The following COL11A1 variants were observed in gnomAD, a reference collection of about 807,000 sequenced individuals.
COL11A1 encodes collagen alpha-1(XI) chain.
Under a neutral mutation model 265.2 loss-of-function variants are expected in COL11A1, and 74 were observed. The observed-to-expected ratio is 0.28, with a 90% confidence interval of 0.23 to 0.34. COL11A1 has a LOEUF of 0.34. Among genes scored for constraint, COL11A1 ranks in the 10% least tolerant of loss-of-function variants. The pLI is 1.00. For synonymous variants in COL11A1, 816 were observed against 727.6 expected, an observed-to-expected ratio of 1.12 and a Z score of -1.96; for missense variants, 2,165 against 2,263.6, an observed-to-expected ratio of 0.96 and a Z score of 0.88.
chr1:102,905,900 A>G (rs1207680782), intron 54 of COL11A1, among the ~76,000 whole-genome samples: 2 of 152,214 alleles, frequency 1.3e-5, no homozygotes, highest in Non-Finnish European at 2.9e-5. Context: ...AACTCAAACA[A>G]CAAAGCAAAA....
intron 46 of COL11A1, among the ~76,000 whole-genome samples, chr1:102,932,062 T>G (rs1657523638): frequency 6.6e-6 from 1 of 150,662 alleles, no homozygotes; most frequent in South Asian, 2.1e-4. Flanking sequence ...CCAGTCTGTG[T>G]CTTTTAATTG....
At chr1:102,996,094 C>A in intron 26 of COL11A1, 52 bp from the exon 27 acceptor site, 1 of 1,545,624 alleles carries the variant, frequency 6.5e-7, no homozygotes, top group South Asian at 1.1e-5. Context: ...AAGTGCTACT[C>A]ATTTACATAC....
Position 102,979,287 on chromosome 1 carries a change from T to A in COL11A1, c.2610+95A>T, listed in dbSNP as rs1416760414. On this transcript the variant is annotated intron_variant, in intron 32 of 66. Transcript: ENST00000370096. ...TCCGGGATTCAAGCAATCCTCCACCTGAGCCTCACAAATATCTGGGAATAC... is the reference window on the plus strand; with the variant it reads ...TCCGGGATTCAAGCAATCCTCCACCAGAGCCTCACAAATATCTGGGAATAC... 5 of 1,250,854 alleles carry A rather than the reference T, an allele frequency of 4.0e-6. No individual in the cohort carries two copies. The Admixed American group carries it at 9.1e-5, about 23-fold the overall frequency. 77.5% of individuals were successfully genotyped at this position (1,250,854 alleles called of 1,614,324 possible). A position where few individuals can be genotyped will look rare whatever the true frequency, so the allele number is the denominator to read the frequency against.
chr1:103,041,050 T>C (rs182850466), intron 4 of COL11A1, among the ~76,000 whole-genome samples: 1 of 152,060 alleles, frequency 6.6e-6, no homozygotes, highest in Non-Finnish European at 1.5e-5. Context: ...ACTTTTATTT[T>C]AACACTTAGA....
intron 41 of COL11A1, among the ~76,000 whole-genome samples, chr1:102,957,371 C>T (rs1660481374): frequency 6.6e-6 from 1 of 151,952 alleles, no homozygotes; most frequent in Admixed American, 6.6e-5. Context: ...TCACTGTGAG[C>T]AATAAGGTTA....
rs141304474 is a variant in COL11A1, at chr1:103,031,198, T to A, written c.698A>T (p.Tyr233Phe). The A allele has an allele frequency of 3.7e-6, 6 of 1,610,442 alleles. No individual in the cohort carries two copies. Among genetic ancestry groups the A allele is most frequent in the Non-Finnish European group, 5.1e-6 (6 of 1,179,556 alleles). ...TGGACTATAATGCTCACAGTAGTCA[T>A]ATGCTGCCTTGGGATCACCTGTGAT... ...FLITGDPKAA[Y>F]DYCEHYSPDC... is the part of the protein sequence containing the mutation. Residue 233 changes from tyrosine (Y) to phenylalanine (F), a missense_variant, in exon 5 of 67, where the codon TAT becomes TTT. Coordinates refer to ENST00000370096, the MANE Select transcript of COL11A1 (RefSeq NM_001854.4).
rs535343503 is a variant in COL11A1 at position 103,012,245 on chromosome 1, G to A, written c.1629+168C>T. Among the ~76,000 whole-genome samples the A allele has an allele frequency of 1.4e-3, 212 of 151,860 alleles. 1 individual carries two copies. The highest frequency in any genetic ancestry group is 0.01 in the Middle Eastern group (3 of 292). On this transcript the variant is annotated intron_variant, in intron 14 of 66. Transcript: ENST00000370096. The stretch of plus-strand genomic sequence containing the variant: ...TTTACTGAGACCTTTTGATCAAAAT[G>A]TACAGAAAACTGAATTGAGAAGGAT...
At chr1:103,047,814 G>C (rs191500398) in intron 4 of COL11A1, among the ~76,000 whole-genome samples, 1,951 of 152,188 alleles carry the variant, frequency 0.013, 23 homozygotes, top group Middle Eastern at 0.02. Context: ...TAGCATGAAG[G>C]GTTGTTGAAT....
intron 47 of COL11A1, 115 bp from the exon 48 acceptor site, chr1:102,921,686 G>A: frequency 1.2e-6 from 1 of 851,684 alleles, no homozygotes. Flanking sequence ...ACTATAGTTA[G>A]TGAAGCACAT....
At chr1:103,081,411 C>G (rs183447317) in intron 2 of COL11A1, among the ~76,000 whole-genome samples, 1 of 151,860 alleles carries the variant, frequency 6.6e-6, no homozygotes, top group East Asian at 1.9e-4. Context: ...AAGCAGCTTA[C>G]CTTTTTACTT....
At chr1:102,942,463 C>T (rs1239977085) in intron 42 of COL11A1, among the ~76,000 whole-genome samples, 2 of 152,112 alleles carry the variant, frequency 1.3e-5, no homozygotes, top group African/African-American at 4.8e-5. Context: ...ATAACTCTTC[C>T]TCCATTATGT....
intron 46 of COL11A1, among the ~76,000 whole-genome samples, chr1:102,928,515 G>A: frequency 6.6e-6 from 1 of 152,116 alleles, no homozygotes; most frequent in Non-Finnish European, 1.5e-5. Flanking sequence ...GGACATTTGG[G>A]TTGGTTCCAA....
Position 102,997,180 on chromosome 1 carries a change from AC to A in COL11A1, c.2197-57del, listed in dbSNP as rs1664712948. The A allele has an allele frequency of 2.2e-5, 30 of 1,381,142 alleles. No homozygotes were observed. The South Asian group carries it at 3.3e-4, about 15-fold the overall frequency. The allele number at this position is 1,381,142 out of a possible 1,614,324, so 85.6% of individuals were successfully genotyped here. ...ATGTAATATAAACATAGTTGATAAT[AC>A]TACGAAAGTATTTCTTTTGTTATTA... On this transcript the variant is annotated intron_variant, in intron 25 of 66. Transcript: ENST00000370096.
chr1:102,945,306 C>A (rs1201941940), intron 42 of COL11A1, among the ~76,000 whole-genome samples: 1 of 150,570 alleles, frequency 6.6e-6, no homozygotes, highest in Non-Finnish European at 1.5e-5. Flanking sequence ...CTTTCTCCAT[C>A]TACCATGGGA....
intron 41 of COL11A1, among the ~76,000 whole-genome samples, chr1:102,951,273 T>C (rs1659848026): frequency 6.6e-6 from 1 of 152,226 alleles, no homozygotes. Context: ...TGGCACTACA[T>C]TCTGAGTAGT....
chr1:103,040,970 TAATC>T (rs1668766511), intron 4 of COL11A1, among the ~76,000 whole-genome samples: 1 of 151,818 alleles, frequency 6.6e-6, no homozygotes. Flanking sequence ...GATAAATTCT[TAATC>T]AGTATTTATT....
At chr1:102,976,802 T>C (rs1662538205) in intron 35 of COL11A1, among the ~76,000 whole-genome samples, 1 of 152,178 alleles carries the variant, frequency 6.6e-6, no homozygotes, top group Non-Finnish European at 1.5e-5. Flanking sequence ...ACTTATTCTT[T>C]ATATAAAATT....
chr1:103,051,721 T>C (rs932310970), intron 4 of COL11A1, among the ~76,000 whole-genome samples: 6 of 152,202 alleles, frequency 3.9e-5, no homozygotes, highest in Admixed American at 6.5e-5. Flanking sequence ...AGACTGGAGC[T>C]GTTCCCATTT....
intron 36 of COL11A1, among the ~76,000 whole-genome samples, chr1:102,974,528 A>C (rs545166115): frequency 1.3e-5 from 2 of 152,300 alleles, no homozygotes; most frequent in African/African-American, 4.8e-5. Flanking sequence ...AAGAGTTGAT[A>C]ACAATTTGTA....
Sources: gnomAD v4.1 joint callset for allele counts (sites outside exome capture counted in the v4.1 genomes callset) on GRCh38, gnomAD v4.1.1 for gene constraint, MANE v1.5 for transcripts, NCBI Gene and HGNC (gene_info 2026-07-23, HGNC 2026-07-21) for gene names.